RIMS1: variants seen among roughly 807,000 people sequenced by gnomAD.
RIMS1 encodes regulating synaptic membrane exocytosis 1.
In RIMS1, 83 loss-of-function variants were observed where a neutral mutation model predicts 214.1. That is an observed-to-expected ratio of 0.39 (90% CI 0.32 to 0.47). RIMS1 has a LOEUF of 0.47. Ranked by LOEUF, RIMS1 falls within the 20% of genes least tolerant of loss-of-function variation. The pLI is 0.99. For synonymous variants in RIMS1, 793 were observed against 786.8 expected (o/e 1.01, Z -0.13); for missense variants, 2,050 against 2,161.8 (o/e 0.95, Z 1.03).
chr6:72,302,649 C>A (rs767883668), intron 26 of RIMS1, among the ~76,000 whole-genome samples: 30 of 151,512 alleles, frequency 2.0e-4, no homozygotes, highest in Non-Finnish European at 1.5e-4. Flanking sequence ...TATCATGGAG[C>A]TCTCATTGTG....
chr6:72,122,717 G>C (rs975758487), intron 4 of RIMS1, among the ~76,000 whole-genome samples: 2 of 151,816 alleles, frequency 1.3e-5, no homozygotes, highest in African/African-American at 4.8e-5. Context: ...AGGTGTATGT[G>C]TCCAGGAATT....
chr6:72,290,165 C>A (rs1171302789), intron 24 of RIMS1, among the ~76,000 whole-genome samples: 1 of 152,094 alleles, frequency 6.6e-6, no homozygotes, highest in African/African-American at 2.4e-5. Flanking sequence ...AGGCAGGCTT[C>A]TTTCGTTGTT....
At chr6:71,970,071 G>T (rs1217285178) in intron 2 of RIMS1, among the ~76,000 whole-genome samples, 1 of 152,204 alleles carries the variant, frequency 6.6e-6, no homozygotes, top group Non-Finnish European at 1.5e-5. Context: ...GATATGAAAT[G>T]TGGTAAATTT....
chr6:71,969,055 A>G lies in RIMS1; in HGVS notation c.237A>G (p.Gln79=), dbSNP rs758623633. Residue 79 remains glutamine, a synonymous_variant, in exon 2 of 34, where the codon CAA becomes CAG. Coordinates refer to ENST00000521978, the MANE Select transcript of RIMS1 (RefSeq NM_014989.7). The part of the protein sequence containing the change: ...TPRNAENQPH[Q]PSPRLHQQFE... ...GAAATGCTGAAAACCAGCCCCACCA[A>G]CCTTCACCGTGAGTATGGCATTGGT... 8 of 1,613,732 alleles carry G rather than the reference A, an allele frequency of 5.0e-6. No individual in the cohort carries two copies. Among genetic ancestry groups the G allele is most frequent in the African/African-American group, 1.3e-5 (1 of 74,896 alleles).
At chr6:72,368,226 T>C (rs1429235646) in intron 29 of RIMS1, among the ~76,000 whole-genome samples, 4 of 151,886 alleles carry the variant, frequency 2.6e-5, no homozygotes, top group Admixed American at 2.6e-4. Context: ...AGTAAAAAAG[T>C]TTCTTTTTTC....
At chr6:71,887,240 T>G (rs1184582566) in intron 1 of RIMS1, 53 bp downstream of exon 1, 1 of 1,560,638 alleles carries the variant, frequency 6.4e-7, no homozygotes, top group Non-Finnish European at 8.7e-7. Context: ...ATCCGTCCAT[T>G]CACCACTCAC....
chr6:72,367,813 A>G (rs1275812951), intron 29 of RIMS1, among the ~76,000 whole-genome samples: 1 of 152,234 alleles, frequency 6.6e-6, no homozygotes, highest in African/African-American at 2.4e-5. Flanking sequence ...CAATCAAAAT[A>G]TGATGGAGAA....
At chr6:72,241,487 G>C (rs772401377) in intron 9 of RIMS1, among the ~76,000 whole-genome samples, 4 of 151,930 alleles carry the variant, frequency 2.6e-5, no homozygotes, top group Non-Finnish European at 5.9e-5. Context: ...GAAAACCCTA[G>C]TTAAAATAAC....
At chr6:72,106,302 T>C (rs1313148334) in intron 4 of RIMS1, among the ~76,000 whole-genome samples, 2 of 152,206 alleles carry the variant, frequency 1.3e-5, no homozygotes, top group Non-Finnish European at 2.9e-5. Context: ...AATCAAGTTG[T>C]TTTTATTGAC....
At chr6:72,050,642 G>A (rs1381239122) in intron 2 of RIMS1, among the ~76,000 whole-genome samples, 1 of 152,128 alleles carries the variant, frequency 6.6e-6, no homozygotes, top group Non-Finnish European at 1.5e-5. Context: ...GGAGCTGGGA[G>A]GGGAGAAGAC....
At chr6:72,274,290 T>C in intron 22 of RIMS1, 59 bp from the exon 23 acceptor site, 4 of 1,207,216 alleles carry the variant, frequency 3.3e-6, no homozygotes, top group Non-Finnish European at 4.8e-6. Context: ...CATGTATTCT[T>C]TTATTTTAGG....
chr6:72,342,323 G>A (rs2097121455), intron 29 of RIMS1, among the ~76,000 whole-genome samples: 1 of 151,564 alleles, frequency 6.6e-6, no homozygotes, highest in Non-Finnish European at 1.5e-5. Context: ...TTCTTGTCAT[G>A]GGTGGGAAAG....
At chr6:71,904,610 T>G (rs1774716373) in intron 1 of RIMS1, among the ~76,000 whole-genome samples, 1 of 152,140 alleles carries the variant, frequency 6.6e-6, no homozygotes, top group Non-Finnish European at 1.5e-5. Context: ...CACTCACTGA[T>G]TTTAGCTGAA....
intron 6 of RIMS1, among the ~76,000 whole-genome samples, chr6:72,192,719 G>T (rs2050259021): frequency 1.3e-5 from 2 of 152,136 alleles, no homozygotes; most frequent in South Asian, 4.1e-4. Context: ...TTTGATGGTT[G>T]AGTGCTGCCC....
At chr6:72,205,231 T>C (rs1485476898) in intron 6 of RIMS1, among the ~76,000 whole-genome samples, 1 of 152,140 alleles carries the variant, frequency 6.6e-6, no homozygotes, top group Non-Finnish European at 1.5e-5. Context: ...TGGAAAAAAC[T>C]ACCTGAGTTA....
intron 4 of RIMS1, among the ~76,000 whole-genome samples, chr6:72,168,014 T>C (rs1047735343): frequency 6.6e-6 from 1 of 152,180 alleles, no homozygotes; most frequent in African/African-American, 2.4e-5. Flanking sequence ...ATGGTATGGA[T>C]AATTTATTGC....
intron 2 of RIMS1, among the ~76,000 whole-genome samples, chr6:72,061,140 C>A (rs1236907749): frequency 6.6e-6 from 1 of 151,586 alleles, no homozygotes; most frequent in Non-Finnish European, 1.5e-5. Flanking sequence ...TCTTTTTTTT[C>A]CATAATTACC....
intron 4 of RIMS1, 36 bp from the exon 5 acceptor site, chr6:72,179,539 C>A: frequency 1.4e-6 from 2 of 1,439,316 alleles, no homozygotes; most frequent in Non-Finnish European, 1.9e-6. Context: ...TCCAAGAGGG[C>A]ATAAAAATTT....
chr6:72,115,793 A>G (rs2036957288), intron 4 of RIMS1, among the ~76,000 whole-genome samples: 1 of 151,730 alleles, frequency 6.6e-6, no homozygotes, highest in Non-Finnish European at 1.5e-5. Context: ...TTCTTTTTTC[A>G]TATCTTTTAT....
Sources: allele counts gnomAD v4.1 joint callset (sites outside exome capture counted in the v4.1 genomes callset), GRCh38; gene constraint gnomAD v4.1.1; transcripts MANE v1.5; gene names NCBI Gene and HGNC (gene_info 2026-07-23, HGNC 2026-07-21).